Variants in BEND2 observed in about 807,000 individuals in gnomAD.
BEND2 encodes the protein BEN domain-containing protein 2.
A neutral mutation model predicts 43.8 loss-of-function variants in BEND2; 19 were observed. The ratio of observed to expected loss-of-function variants is 0.43; its 90% CI spans 0.30 to 0.64. BEND2 has a LOEUF of 0.64. Ranked by LOEUF, BEND2 falls within the 30% of genes least tolerant of loss-of-function variation. BEND2 has a pLI of 0.11. For missense variants in BEND2, 544 were observed against 574.0 expected (o/e 0.95, Z 0.53); for synonymous variants, 226 against 210.1 (o/e 1.08, Z -0.66).
chrX:18,209,803 A>G (rs940161288), intron 4 of BEND2, among the ~76,000 whole-genome samples: 1 of 111,043 alleles, frequency 9.0e-6, no homozygotes, highest in African/African-American at 3.3e-5. Context: ...AGGACATGGG[A>G]TTGGGTAGGA....
At chrX:18,180,364 T>A (rs749787781) in intron 9 of BEND2, 146 bp downstream of exon 9, 6 of 886,619 alleles carry the variant, frequency 6.8e-6, no homozygotes, top group African/African-American at 2.0e-5. Context: ...TAATATGCAC[T>A]CAATAAATGT....
At chrX:18,197,617 G>A (rs918880156) in intron 6 of BEND2, among the ~76,000 whole-genome samples, 2 of 111,084 alleles carry the variant, frequency 1.8e-5, no homozygotes, top group African/African-American at 6.5e-5. Context: ...CGAAGAAATT[G>A]GGTAATTCAT....
chrX:18,200,502 C>CAAAA (rs397895069), intron 6 of BEND2, among the ~76,000 whole-genome samples: 2 of 38,640 alleles, frequency 5.2e-5, no homozygotes, highest in African/African-American at 9.7e-5. Flanking sequence ...GACTCTGTCT[C>CAAAA]AAAAAAAAAA....
intron 8 of BEND2, among the ~76,000 whole-genome samples, chrX:18,186,393 G>A (rs1254750309): frequency 9.4e-6 from 1 of 106,732 alleles, no homozygotes; most frequent in African/African-American, 3.4e-5. Flanking sequence ...AGGAGGCAGA[G>A]GTTGCAGTGA....
intron 12 of BEND2, 21 bp downstream of exon 12, chrX:18,174,009 T>C (rs1164918616): frequency 2.6e-6 from 3 of 1,159,685 alleles, no homozygotes; most frequent in Non-Finnish European, 3.5e-6. Context: ...TATTTAAATA[T>C]AAGTTTTTAA....
At chrX:18,219,821 G>A (rs1475258273) in intron 1 of BEND2, among the ~76,000 whole-genome samples, 1 of 111,927 alleles carries the variant, frequency 8.9e-6, no homozygotes, top group Non-Finnish European at 1.9e-5. Flanking sequence ...TGAGAGGACC[G>A]CTTGAATCCA....
rs1423855073 is a variant in BEND2 at position 18,220,736 on chromosome X, G to T, written c.15C>A (p.Thr5=). MSER[T]QEQDFVIITV... is the part of the protein sequence containing the mutation. ...GCGAGGTCACTTTACCCTGTTCCTG[G>T]GTCCTCTCTGACATCGTGAGATGGC... The change falls in exon 1 of 14, where the codon ACC becomes ACA. Residue 5 remains threonine, a synonymous_variant. Transcript: ENST00000380033. 8.3e-7 allele frequency: 1 copy of T among 1,208,389 alleles called. No individual in the cohort carries two copies. Among genetic ancestry groups the T allele is most frequent in the Non-Finnish European group, 1.1e-6 (1 of 894,291 alleles).
Position 18,163,976 on chromosome X carries a change from C to G in BEND2, c.*1033G>C, listed in dbSNP as rs972320020. On this transcript the variant is annotated 3_prime_UTR_variant, in exon 14 of 14. Coordinates refer to ENST00000380033, the MANE Select transcript of BEND2 (RefSeq NM_153346.5). ...TAATGGAAGTTAAAGCCTTTTTGCC[C>G]TTTATGGAAGATTTTTTTTTATGCA... 1 of 111,199 alleles carries G rather than the reference C, an allele frequency of 9.0e-6. No individual in the cohort carries two copies. The highest frequency in any genetic ancestry group is 3.3e-5 in the African/African-American group (1 of 30,684). The allele number at this position is 111,199 out of a possible 1,213,427, so 9.2% of individuals were successfully genotyped here.
intron 4 of BEND2, among the ~76,000 whole-genome samples, chrX:18,206,658 T>C (rs1925343498): frequency 9.1e-6 from 1 of 109,744 alleles, no homozygotes; most frequent in African/African-American, 3.3e-5. Flanking sequence ...GCCACTAGAA[T>C]AGTCGGGAAG....
At chrX:18,167,800 A>G (rs750361370) in intron 13 of BEND2, among the ~76,000 whole-genome samples, 4 of 111,995 alleles carry the variant, frequency 3.6e-5, no homozygotes, top group Non-Finnish European at 7.5e-5. Flanking sequence ...CCTGAGCTCA[A>G]GGCATCCTCC....
intron 4 of BEND2, among the ~76,000 whole-genome samples, chrX:18,206,315 C>T (rs780300944): frequency 2.7e-5 from 3 of 111,205 alleles, no homozygotes; most frequent in East Asian, 2.8e-4. Flanking sequence ...TGAGAAGGAG[C>T]TCACCAGGTG....
chrX:18,169,913 A>T (rs967137968), intron 13 of BEND2, among the ~76,000 whole-genome samples: 2 of 112,355 alleles, frequency 1.8e-5, no homozygotes, highest in African/African-American at 6.5e-5. Context: ...TAAAGAAGTA[A>T]TCTTTTCCAG....
In BEND2 at chrX:18,203,500, C is replaced by A. The variant is rs755833660; in HGVS notation, c.907+1G>T. 2 of 1,201,684 alleles carry A rather than the reference C, an allele frequency of 1.7e-6. No individual in the cohort carries two copies. Among genetic ancestry groups the A allele is most frequent in the South Asian group, 3.6e-5 (2 of 55,763 alleles). On this transcript the variant is annotated splice_donor_variant, in intron 5 of 13. Coordinates refer to ENST00000380033, the MANE Select transcript of BEND2 (RefSeq NM_153346.5). LOFTEE classifies it high-confidence loss of function. ...TGTAATATGTGTCATTTCAAACTCA[C>A]CCAAATTGGGATGGAAGCAGAAAGA...
In BEND2 at chrX:18,209,432, G is replaced by A. The variant is rs1388547217; in HGVS notation, c.492+3133C>T. ...CAAAATCTTTATCGTGGGCAATGGG[G>A]AAAAATAGTAACTTTACTGTGGAAA... is the stretch of plus-strand genomic sequence containing the variant. On this transcript the variant is annotated intron_variant, in intron 4 of 13. Coordinates refer to ENST00000380033, the MANE Select transcript of BEND2 (RefSeq NM_153346.5). 5.4e-5 allele frequency among the ~76,000 whole-genome samples: 6 copies of A among 111,022 alleles called. No individual in the cohort carries two copies. In the Admixed American group the frequency reaches 5.8e-4, roughly 11 times the overall value.
At chrX:18,190,740 ACTCTCTCT>A (rs59031812) in intron 8 of BEND2, among the ~76,000 whole-genome samples, 2 of 98,207 alleles carry the variant, frequency 2.0e-5, no homozygotes, top group Admixed American at 1.1e-4. Flanking sequence ...AACTAAATAT[ACTCTCTCT>A]CTCTCTCTCT....
chrX:18,182,612 T>A (rs1360943748), intron 8 of BEND2, among the ~76,000 whole-genome samples: 2 of 111,288 alleles, frequency 1.8e-5, no homozygotes, highest in Non-Finnish European at 3.8e-5. Flanking sequence ...AATATAATGA[T>A]CCTCAATATG....
Position 18,176,034 on chromosome X carries a change from C to G in BEND2, c.1690G>C (p.Asp564His). 1.7e-6 allele frequency: 2 copies of G among 1,201,659 alleles called. No homozygotes were observed. Among genetic ancestry groups the G allele is most frequent in the Non-Finnish European group, 2.2e-6 (2 of 889,510 alleles). ...DLHEHGKDWQDCISGINSMIY... is the reference protein window; with the variant it reads ...DLHEHGKDWQHCISGINSMIY... ...ATAGAATTGATACCAGAAATACAGT[C>G]CTGCCAGTCTTTTCCATGTTCATGC... Residue 564 changes from aspartate to histidine, a missense_variant, in exon 11 of 14, where the codon GAC becomes CAC. Physicochemically the swap from Asp to His is moderately conservative, Grantham distance 81. This residue lies in a region of BEND2 where 501 missense variants were observed against 501.6 expected (regional missense o/e 1.00). Coordinates refer to ENST00000380033, the MANE Select transcript of BEND2 (RefSeq NM_153346.5).
chrX:18,201,648 C>T (rs140563987), intron 6 of BEND2, among the ~76,000 whole-genome samples, 167 bp downstream of exon 6: 1,803 of 107,362 alleles, frequency 0.017, 36 homozygotes, highest in African/African-American at 0.057. Context: ...CCCGCCACCA[C>T]ACCCGGCTAA....
rs138693981 is a variant in BEND2 at position 18,202,988 on chromosome X, G to A, written c.907+513C>T. Reference sequence around the variant, plus strand: ...AACACACAACTTGGTTGAGTCTCCAGGGGATTATGTTGAGTAAAAAAAAGC... The same window carrying A: ...AACACACAACTTGGTTGAGTCTCCAAGGGATTATGTTGAGTAAAAAAAAGC... On this transcript the variant is annotated intron_variant, in intron 5 of 13. Transcript: ENST00000380033. Among the ~76,000 whole-genome samples, 1,103 of 111,431 alleles carry A rather than the reference G, an allele frequency of 9.9e-3. 15 individuals carry two copies. Among genetic ancestry groups the A allele is most frequent in the African/African-American group, 0.034 (1,035 of 30,587 alleles).
Sources: gnomAD v4.1 joint callset for allele counts (sites outside exome capture counted in the v4.1 genomes callset) on GRCh38, gnomAD v4.1.1 for gene constraint, gnomAD v4.1.1 regional missense constraint, MANE v1.5 for transcripts, NCBI Gene and HGNC (gene_info 2026-07-23, HGNC 2026-07-21) for gene names.